Variants in AGMAT observed in about 807,000 individuals in gnomAD.
AGMAT encodes agmatinase (putative), also known as guanidino acid hydrolase, mitochondrial.
In AGMAT, 37 loss-of-function variants were observed where a neutral mutation model predicts 29.3. The ratio of observed to expected loss-of-function variants is 1.26; its 90% confidence interval spans 0.97 to 1.66. AGMAT has a LOEUF of 1.66. Among genes scored for constraint, AGMAT ranks in the 40% most tolerant of loss-of-function variants. AGMAT has a pLI of 0.00. For synonymous variants in AGMAT, 199 were observed against 200.8 expected, an observed-to-expected ratio of 0.99 and a Z score of 0.08; for missense variants, 498 against 497.8, an observed-to-expected ratio of 1.00 and a Z score of 0.00.
At chr1:15,579,276 G>A (rs956098121) in intron 3 of AGMAT, among the ~76,000 whole-genome samples, 1 of 152,172 alleles carries the variant, frequency 6.6e-6, no homozygotes, top group Non-Finnish European at 1.5e-5. Context: ...TGTTTTGGCT[G>A]CCACCCACAC....
chr1:15,574,720 C>A (rs767091014), intron 6 of AGMAT, 37 bp downstream of exon 6: 3 of 1,560,226 alleles, frequency 1.9e-6, no homozygotes, highest in East Asian at 2.2e-5. Flanking sequence ...TTTAAGCTAC[C>A]GGCTGCCCAT....
chr1:15,578,061 T>C lies in AGMAT; in HGVS notation c.721-197A>G, dbSNP rs115332504. ...GCAGGGTCAAAGCTGACTGATGGAG[T>C]TGGAATCAGAGAGAAGCTTTGCTAA... On this transcript the variant is annotated intron_variant, in intron 4 of 6. Transcript: ENST00000375826. 7.4e-3 allele frequency among the ~76,000 whole-genome samples: 1,119 copies of C among 152,090 alleles called. 16 individuals carry two copies. The highest frequency in any genetic ancestry group is 0.025 in the African/African-American group (1,029 of 41,490).
At chr1:15,580,201 C>CTTTTTTTTT (rs34166013) in intron 2 of AGMAT, 59 bp from the exon 3 acceptor site, 5 of 569,092 alleles carry the variant, frequency 8.8e-6, no homozygotes, top group African/African-American at 2.9e-5. Flanking sequence ...ATAGAATAAT[C>CTTTTTTTTT]TTTTTTTTTT....
At chr1:15,574,934 A>C in intron 5 of AGMAT, 93 bp from the exon 6 acceptor site, 1 of 979,904 alleles carries the variant, frequency 1.0e-6, no homozygotes, top group Non-Finnish European at 1.6e-6. Flanking sequence ...CCACCCTTTG[A>C]CTTGGAATTG....
chr1:15,578,776 G>A lies in AGMAT; in HGVS notation c.720+83C>T, dbSNP rs1639072435. On this transcript the variant is annotated intron_variant, in intron 4 of 6. Transcript: ENST00000375826. ...TTCAGACTTGATTAGTAAAGCCCCC[G>A]CTCAATCCCTGGCTGCCACTGGTGA... 6.8e-6 allele frequency: 10 copies of A among 1,461,954 alleles called. No homozygotes were observed. In the East Asian group the frequency reaches 7.2e-5, roughly 10 times the overall value. 90.6% of individuals were successfully genotyped at this position (1,461,954 alleles called of 1,614,324 possible).
intron 5 of AGMAT, among the ~76,000 whole-genome samples, chr1:15,576,392 A>G (rs967777066): frequency 1.3e-5 from 2 of 151,662 alleles, no homozygotes; most frequent in Non-Finnish European, 2.9e-5. Flanking sequence ...GGTGTGAGCC[A>G]CTGCGCCCGG....
In AGMAT at chr1:15,573,656, C is replaced by T. The variant is rs200865986; in HGVS notation, c.1054G>A (p.Val352Ile). Residue 352 changes from valine to isoleucine, a missense_variant, in exon 7 of 7, where the codon GTC becomes ATC. Physicochemically the swap from Val to Ile is conservative, Grantham distance 29. Transcript: ENST00000375826. ...MLCALPKVTT[V>I] ...TGTCTTGAAGAGCACAAGACTCAGA[C>T]GGTTGTCACTTTGGGGAGAGCACAT... 11 of 1,614,030 alleles carry T rather than the reference C, an allele frequency of 6.8e-6. No individual in the cohort carries two copies. The highest frequency in any genetic ancestry group is 2.2e-5 in the East Asian group (1 of 44,898).
rs964306309 is a variant in AGMAT, at chr1:15,581,088, C to A, written c.476-946G>T. On this transcript the variant is annotated intron_variant, in intron 2 of 6. Transcript: ENST00000375826. ...AAAATAAAAATAAAAATAGACCAGG[C>A]GCAGTGGCTCACACCTTGGGAGGCC... 3.3e-5 allele frequency among the ~76,000 whole-genome samples: 5 copies of A among 152,096 alleles called. No individual in the cohort carries two copies. In the East Asian group the frequency reaches 9.6e-4, roughly 29 times the overall value.
At chr1:15,579,817 C>T (rs996357245) in intron 3 of AGMAT, among the ~76,000 whole-genome samples, 5 of 152,184 alleles carry the variant, frequency 3.3e-5, no homozygotes, top group African/African-American at 1.2e-4. Context: ...ACTAGAGGCT[C>T]ATCTTCCAAA....
intron 2 of AGMAT, among the ~76,000 whole-genome samples, chr1:15,581,023 T>A (rs1304174466): frequency 6.6e-6 from 1 of 151,818 alleles, no homozygotes; most frequent in African/African-American, 2.4e-5. Flanking sequence ...CCTAGAAGTT[T>A]GAGACCAGCC....
chr1:15,578,541 C>CA (rs1249110215), intron 4 of AGMAT, among the ~76,000 whole-genome samples: 2 of 151,968 alleles, frequency 1.3e-5, no homozygotes, highest in African/African-American at 4.8e-5. Flanking sequence ...GTGATCCACC[C>CA]ACCTTAGCCT....
Position 15,573,512 on chromosome 1 carries a change from C to A in AGMAT, c.*139G>T. On this transcript the variant is annotated 3_prime_UTR_variant, in exon 7 of 7. Coordinates refer to ENST00000375826, the MANE Select transcript of AGMAT (RefSeq NM_024758.5). ...TGGGTGAGAATTCTACTGATTATCC[C>A]GACTTCACAGCCAGCAATGACACTT... 2.9e-6 allele frequency: 2 copies of A among 701,258 alleles called. No homozygotes were observed. Among genetic ancestry groups the A allele is most frequent in the Non-Finnish European group, 4.9e-6 (2 of 408,986 alleles). The allele number at this position is 701,258 out of a possible 1,614,324, so 43.4% of individuals were successfully genotyped here. A position where few individuals can be genotyped will look rare whatever the true frequency, so the allele number is the denominator to read the frequency against.
At chr1:15,582,673 T>C (rs577520369) in intron 2 of AGMAT, among the ~76,000 whole-genome samples, 2 of 152,208 alleles carry the variant, frequency 1.3e-5, no homozygotes, top group Non-Finnish European at 2.9e-5. Flanking sequence ...AACACCCTCT[T>C]TGCAGTTCTC....
Position 15,577,752 on chromosome 1 carries a change from T to A in AGMAT, c.833A>T (p.Asp278Val), listed in dbSNP as rs772603937. Residue 278 changes from aspartate (D) to valine (V), a missense_variant, in exon 5 of 7, where the codon GAC becomes GTC. Coordinates refer to ENST00000375826, the MANE Select transcript of AGMAT (RefSeq NM_024758.5). Reference sequence around the variant, plus strand: ...TGGCGCATAGGCAGGATCCAGAGCGTCAATATCAAAGCTGATATAAATGGG... The same window carrying A: ...TGGCGCATAGGCAGGATCCAGAGCGACAATATCAAAGCTGATATAAATGGG... ...GKPIYISFDI[D>V]ALDPAYAPGT... 6.2e-7 allele frequency: 1 copy of A among 1,614,150 alleles called. No homozygotes were observed. The highest frequency in any genetic ancestry group is 8.5e-7 in the Non-Finnish European group (1 of 1,180,020).
chr1:15,584,544 C>A, intron 1 of AGMAT, 152 bp downstream of exon 1: 1 of 822,208 alleles, frequency 1.2e-6, no homozygotes, highest in Non-Finnish European at 1.6e-6. Context: ...GGTAAATCAA[C>A]CATCTCAAAC....
chr1:15,577,670 G>T lies in AGMAT; in HGVS notation c.900+15C>A. On this transcript the variant is annotated intron_variant, in intron 5 of 6. Transcript: ENST00000375826. Reference sequence around the variant, plus strand: ...GTCTCCACCCCCAGGATCTTCACTGGTGGAATCTCCTTACCTGACTAGGAG... The same window carrying T: ...GTCTCCACCCCCAGGATCTTCACTGTTGGAATCTCCTTACCTGACTAGGAG... The T allele has an allele frequency of 6.2e-7, 1 of 1,600,662 alleles. No individual in the cohort carries two copies. Among genetic ancestry groups the T allele is most frequent in the African/African-American group, 1.3e-5 (1 of 74,860 alleles).
intron 1 of AGMAT, among the ~76,000 whole-genome samples, chr1:15,583,828 G>A (rs1639147874): frequency 6.6e-6 from 1 of 152,168 alleles, no homozygotes; most frequent in South Asian, 2.1e-4. Flanking sequence ...CATTTAATAA[G>A]TGCTGGCTTT....
In AGMAT at chr1:15,583,392, G is replaced by T. The variant is rs747756884; in HGVS notation, c.276C>A (p.Phe92Leu). 27 of 1,611,612 alleles carry T rather than the reference G, an allele frequency of 1.7e-5. No homozygotes were observed. Among genetic ancestry groups the T allele is most frequent in the Non-Finnish European group, 2.2e-5 (26 of 1,179,090 alleles). The change falls in exon 2 of 7, where the codon TTC (phenylalanine) becomes TTA (leucine). Residue 92 changes from phenylalanine (F) to leucine (L), a missense_variant. By Grantham distance (22) the Phe-to-Leu change is conservative. Coordinates refer to ENST00000375826, the MANE Select transcript of AGMAT (RefSeq NM_024758.5). ...ATTCTTCCCGGATGCGGCGAGGTCC[G>T]AATCTGCAGAAGGAAGAATCATCCT... ...TGTSNRPGAR[F>L]GPRRIREESV...
At chr1:15,583,423 C>A (rs768943638) in intron 1 of AGMAT, 28 bp from the exon 2 acceptor site, 4 of 1,591,486 alleles carry the variant, frequency 2.5e-6, no homozygotes, top group Non-Finnish European at 3.4e-6. Context: ...ATCCTGTCAG[C>A]CATCATCTGC....
Sources: gnomAD v4.1 joint callset for allele counts (sites outside exome capture counted in the v4.1 genomes callset) on GRCh38, gnomAD v4.1.1 for gene constraint, MANE v1.5 for transcripts, NCBI Gene and HGNC (gene_info 2026-07-23, HGNC 2026-07-21) for gene names.